Variants in CD33 observed in about 807,000 individuals in gnomAD.
The protein encoded by CD33 is CD33 molecule, also known as myeloid cell surface antigen CD33.
A neutral mutation model predicts 31.4 loss-of-function variants in CD33; 25 were observed. That is an observed-to-expected ratio of 0.80 (90% confidence interval 0.58 to 1.11). The LOEUF (loss-of-function observed/expected upper bound fraction) is 1.11, where lower values mean the gene tolerates loss of function less well. CD33 is among the 50% of genes most tolerant of loss of function. The pLI is 0.00. For synonymous variants in CD33, 176 were observed against 180.6 expected (o/e 0.97, Z 0.20); for missense variants, 407 against 448.1 (o/e 0.91, Z 0.83).
At chr19:51,235,507 A>C (rs993820030) in intron 5 of CD33, 88 bp from the exon 6 acceptor site, 3 of 1,497,262 alleles carry the variant, frequency 2.0e-6, no homozygotes, top group African/African-American at 2.8e-5. Context: ...CCCACCCTTT[A>C]CCTGCCAAAG....
intron 6 of CD33, chr19:51,237,657 G>A (rs1399488993): frequency 2.0e-5 from 3 of 152,280 alleles, no homozygotes; most frequent in Non-Finnish European, 4.4e-5. Context: ...TGGGGGTGGA[G>A]TGTGGACTGA....
chr19:51,211,629 A>C, the CD33 span: 3 of 1,372,390 alleles, frequency 2.2e-6, no homozygotes, highest in Non-Finnish European at 3.0e-6. Context: ...GGGAAGGTCA[A>C]AGGGACCTCA....
At chr19:51,213,990 GC>G in the CD33 span, among the ~76,000 whole-genome samples, 1 of 150,698 alleles carries the variant, frequency 6.6e-6, no homozygotes, top group East Asian at 1.9e-4. Context: ...CTCCTGAGTA[GC>G]TGGCATTACA....
intron 4 of CD33, among the ~76,000 whole-genome samples, chr19:51,228,502 C>A (rs1462562293): frequency 2.0e-5 from 3 of 151,980 alleles, no homozygotes; most frequent in Non-Finnish European, 4.4e-5. Context: ...CCTAGGTATA[C>A]TTCATTCTCT....
At chr19:51,229,868 A>G (rs572429018) in intron 4 of CD33, among the ~76,000 whole-genome samples, 38 of 150,524 alleles carry the variant, frequency 2.5e-4, no homozygotes, top group African/African-American at 8.0e-4. Flanking sequence ...AATTTCATTT[A>G]TTTCTGCTCT....
the CD33 span, chr19:51,211,332 C>T: frequency 1.3e-6 from 2 of 1,562,736 alleles, no homozygotes; most frequent in Admixed American, 3.4e-5. Context: ...ACAGGAATTT[C>T]TCAGTTCATG....
the CD33 span, among the ~76,000 whole-genome samples, chr19:51,217,772 C>T: frequency 6.6e-6 from 1 of 152,196 alleles, no homozygotes; most frequent in African/African-American, 2.4e-5. Context: ...TATTTAACTA[C>T]ACTTATACAT....
the CD33 span, chr19:51,212,010 C>G: frequency 9.7e-7 from 1 of 1,033,940 alleles, no homozygotes; most frequent in Non-Finnish European, 1.5e-6. Flanking sequence ...CCTCACCTGT[C>G]GAGTGACGTT....
At chr19:51,214,359 A>G in the CD33 span, among the ~76,000 whole-genome samples, 1 of 151,264 alleles carries the variant, frequency 6.6e-6, no homozygotes, top group East Asian at 1.9e-4. Context: ...CAGCATGCCC[A>G]GCTATTTTTT....
chr19:51,224,611 C>T (rs1373644739), upstream of CD33, among the ~76,000 whole-genome samples: 2 of 152,160 alleles, frequency 1.3e-5, no homozygotes, highest in Non-Finnish European at 2.9e-5. Context: ...TGAATGGCTG[C>T]CACCTTCACT....
At chr19:51,218,652 T>C in the CD33 span, among the ~76,000 whole-genome samples, 1 of 152,218 alleles carries the variant, frequency 6.6e-6, no homozygotes, top group Non-Finnish European at 1.5e-5. Flanking sequence ...ATTTCTATAG[T>C]TTCAGGTCTT....
upstream of CD33, among the ~76,000 whole-genome samples, chr19:51,220,276 G>A (rs372443516): frequency 3.3e-5 from 5 of 152,172 alleles, no homozygotes; most frequent in African/African-American, 1.2e-4. Context: ...TTTCCTCCAG[G>A]AAAAGTTCCT....
At position 51,225,563 on chromosome 19, in the gene CD33, G is replaced by A. The variant is rs34919259; in HGVS notation, c.383G>A (p.Ser128Asn). 2,673 of 1,574,646 alleles carry A rather than the reference G, an allele frequency of 1.7e-3. 36 individuals carry two copies. In the African/African-American group the frequency reaches 0.031, roughly 19 times the overall value. The change falls in exon 2 of 7, where the codon AGT (serine) becomes AAT (asparagine). Residue 128 changes from serine to asparagine, a missense_variant. Transcript: ENST00000262262. ...FRMERGSTKY[S>N]YKSPQLSVHV... ...ATGGAGAGAGGAAGTACCAAATACA[G>A]TTACAAATCTCCCCAGCTCTCTGTG...
At chr19:51,220,162 T>C (rs920691553), upstream of CD33, among the ~76,000 whole-genome samples, 8 of 152,198 alleles carry the variant, frequency 5.3e-5, no homozygotes, top group South Asian at 2.1e-4. Flanking sequence ...GAGATTTTTT[T>C]CTATTGCTGG....
intron 5 of CD33, 139 bp from the exon 6 acceptor site, chr19:51,235,456 G>T (rs141793680): frequency 1.4e-6 from 2 of 1,428,566 alleles, no homozygotes; most frequent in South Asian, 1.5e-5. Flanking sequence ...GGTAGAGGGA[G>T]ACCTTGTGAC....
chr19:51,225,909 G>T lies in CD33; in HGVS notation c.525G>T (p.Pro175=). 1.2e-6 allele frequency: 2 copies of T among 1,613,948 alleles called. No individual in the cohort carries two copies. The highest frequency in any genetic ancestry group is 1.7e-6 in the Non-Finnish European group (2 of 1,179,994). Residue 175 remains proline, a synonymous_variant, in exon 3 of 7, where the codon CCG becomes CCT. Transcript: ENST00000262262. ...GGGCCTGTGAGCAGGGAACACCCCCGATCTTCTCCTGGTTGTCAGCTGCCC... is the reference window on the plus strand; with the variant it reads ...GGGCCTGTGAGCAGGGAACACCCCCTATCTTCTCCTGGTTGTCAGCTGCCC... The part of the protein sequence containing the change: ...VSWACEQGTP[P]IFSWLSAAPT...
upstream of CD33, among the ~76,000 whole-genome samples, chr19:51,223,089 A>G (rs1259221134): frequency 6.6e-6 from 1 of 152,102 alleles, no homozygotes; most frequent in East Asian, 1.9e-4. Context: ...GCCTGGTAGT[A>G]TGAGCCTGTG....
At chr19:51,226,209 C>T (rs1386890801) in intron 3 of CD33, 100 bp from the exon 4 acceptor site, 8 of 1,504,006 alleles carry the variant, frequency 5.3e-6, no homozygotes, top group Non-Finnish European at 7.4e-6. Context: ...GAGCCCTGTC[C>T]CTTCTGCATT....
chr19:51,236,217 C>A, intron 6 of CD33: 1 of 273,482 alleles, frequency 3.7e-6, no homozygotes, highest in South Asian at 4.0e-5. Flanking sequence ...CCACACCATG[C>A]AAGGCCATAT....
Sources: allele counts gnomAD v4.1 joint callset (sites outside exome capture counted in the v4.1 genomes callset), GRCh38; gene constraint gnomAD v4.1.1; transcripts MANE v1.5; gene names NCBI Gene and HGNC (gene_info 2026-07-23, HGNC 2026-07-21).